The following CREB1 variants were observed in gnomAD, a reference collection of about 807,000 sequenced individuals.
CREB1 encodes cAMP responsive element binding protein 1.
In CREB1, 2 loss-of-function variants were observed where a neutral mutation model predicts 42.0. The ratio of observed to expected loss-of-function variants is 0.05; its 90% confidence interval spans 0.02 to 0.15. CREB1 has a LOEUF of 0.15. Among genes scored for constraint, CREB1 ranks in the 10% least tolerant of loss-of-function variants. The probability of loss-of-function intolerance (pLI) is 1.00; values close to 1 mark genes in which losing one functional copy is unlikely to be tolerated. For missense variants in CREB1, 199 were observed against 388.9 expected (o/e 0.51, Z 4.11); for synonymous variants, 123 against 139.9 (o/e 0.88, Z 0.85).
chr2:207,561,525 A>G (rs185850705), intron 3 of CREB1, among the ~76,000 whole-genome samples: 1 of 152,328 alleles, frequency 6.6e-6, no homozygotes, highest in Admixed American at 6.5e-5. Context: ...GATCCCGGGT[A>G]AACACAGGTT....
At position 207,603,492 on chromosome 2, in the gene CREB1, T is replaced by C. The variant is rs1559098832; in HGVS notation, c.*6434T>C. The C allele has an allele frequency of 4.4e-6, 1 of 225,238 alleles. No individual in the cohort carries two copies. The highest frequency in any genetic ancestry group is 8.8e-6 in the Non-Finnish European group (1 of 113,098). 14.0% of individuals were successfully genotyped at this position (225,238 alleles called of 1,614,324 possible). Reference sequence around the variant, plus strand: ...TTTGTTGGGTTTTTTTTGCTAGTAGTGTGAAGCCATGTTTTATTGGACTTA... The same window carrying C: ...TTTGTTGGGTTTTTTTTGCTAGTAGCGTGAAGCCATGTTTTATTGGACTTA... On this transcript the variant is annotated 3_prime_UTR_variant, in exon 8 of 8. Transcript: ENST00000353267.
chr2:207,532,100 A>G (rs997450768), intron 1 of CREB1, among the ~76,000 whole-genome samples: 1 of 152,150 alleles, frequency 6.6e-6, no homozygotes, highest in Non-Finnish European at 1.5e-5. Flanking sequence ...TGAGGCCTGT[A>G]ATCCCAGCAC....
At chr2:207,532,525 T>C (rs1386945755) in intron 1 of CREB1, among the ~76,000 whole-genome samples, 1 of 151,384 alleles carries the variant, frequency 6.6e-6, no homozygotes, top group Non-Finnish European at 1.5e-5. Context: ...ATACAAAAAT[T>C]AGCTGGGTGT....
At chr2:207,555,529 C>T in intron 1 of CREB1, 99 bp from the exon 2 acceptor site, 1 of 576,956 alleles carries the variant, frequency 1.7e-6, no homozygotes. Flanking sequence ...GGTAACCTAA[C>T]CACCACATAT....
rs538501839 is a variant in CREB1 at position 207,603,435 on chromosome 2, A to C, written c.*6377A>C. The C allele has an allele frequency of 3.6e-5, 8 of 224,752 alleles. No individual in the cohort carries two copies. The highest frequency in any genetic ancestry group is 6.2e-5 in the Non-Finnish European group (7 of 112,924). The allele number at this position is 224,752 out of a possible 1,614,324, so 13.9% of individuals were successfully genotyped here. On this transcript the variant is annotated 3_prime_UTR_variant, in exon 8 of 8. Transcript: ENST00000353267. ...ATAAACATGCTTTTAAAAACTCTGT[A>C]AGTCTCTTTTTTGGGGATGGGATCT...
chr2:207,562,557 T>G (rs773867711), intron 3 of CREB1, among the ~76,000 whole-genome samples: 1 of 152,170 alleles, frequency 6.6e-6, no homozygotes, highest in Non-Finnish European at 1.5e-5. Context: ...GTACTTCTAA[T>G]TTAAGAGTGT....
chr2:207,570,256 C>T lies in CREB1; in HGVS notation c.440C>T (p.Ser147Leu). 3 of 1,613,904 alleles carry T rather than the reference C, an allele frequency of 1.9e-6. No individual in the cohort carries two copies. Among genetic ancestry groups the T allele is most frequent in the Non-Finnish European group, 2.5e-6 (3 of 1,179,836 alleles). ...IEEEKSEEET[S>L]APAITTVTVP... ...GAAGAGAAGTCTGAAGAGGAGACTT[C>T]AGCACCTGCCATCACCACTGTAACG... Residue 147 changes from serine to leucine, a missense_variant, in exon 5 of 8, where the codon TCA (serine) becomes TTA (leucine). Transcript: ENST00000353267.
intron 3 of CREB1, chr2:207,561,085 C>T: frequency 1.2e-6 from 2 of 1,605,038 alleles, no homozygotes; most frequent in Non-Finnish European, 1.7e-6. Context: ...AGGCCATAAC[C>T]CCAGCCTCCC....
At chr2:207,537,683 TAAGAA>T (rs1382711582) in intron 1 of CREB1, among the ~76,000 whole-genome samples, 1 of 152,204 alleles carries the variant, frequency 6.6e-6, no homozygotes, top group Non-Finnish European at 1.5e-5. Flanking sequence ...AAAACTTAAA[TAAGAA>T]TAGACGTTAG....
intron 2 of CREB1, 107 bp from the exon 3 acceptor site, chr2:207,560,119 T>C: frequency 1.0e-6 from 1 of 966,658 alleles, no homozygotes; most frequent in Non-Finnish European, 1.5e-6. Flanking sequence ...AATACATATC[T>C]AGCAAAAAGG....
chr2:207,578,300 A>C (rs1286842954), intron 7 of CREB1, among the ~76,000 whole-genome samples: 2 of 152,240 alleles, frequency 1.3e-5, no homozygotes, highest in East Asian at 3.8e-4. Context: ...AAAAACAATA[A>C]AAATAAGTTA....
chr2:207,591,089 A>G (rs1459865880), intron 7 of CREB1, among the ~76,000 whole-genome samples: 3 of 152,174 alleles, frequency 2.0e-5, no homozygotes, highest in African/African-American at 7.2e-5. Flanking sequence ...TTAAATTATC[A>G]AGTATCATAT....
chr2:207,604,477 T>C lies in CREB1; in HGVS notation c.*7419T>C, dbSNP rs567671087. ...TATCCTTCTTCTTAACTGTGCGTCC[T>C]AATTTCTCCACATCTTTCTTAAGTG... On this transcript the variant is annotated 3_prime_UTR_variant, in exon 8 of 8. Transcript: ENST00000353267. Among the ~76,000 whole-genome samples the C allele has an allele frequency of 2.2e-3, 140 of 62,296 alleles. No individual in the cohort carries two copies. The highest frequency in any genetic ancestry group is 2.9e-3 in the Non-Finnish European group (92 of 32,030). 40.9% of individuals were successfully genotyped at this position (62,296 alleles called of 152,430 possible).
rs2087955024 is a variant in CREB1, at chr2:207,605,618, G to A, written c.*8560G>A. 1.3e-5 allele frequency among the ~76,000 whole-genome samples: 2 copies of A among 152,164 alleles called. No homozygotes were observed. Among genetic ancestry groups the A allele is most frequent in the South Asian group, 2.1e-4 (1 of 4,836 alleles). On this transcript the variant is annotated 3_prime_UTR_variant, in exon 8 of 8. Transcript: ENST00000353267. The stretch of plus-strand genomic sequence containing the variant: ...CTGTGCATATATACACAAATATAAT[G>A]TATGTTCTCTCCTCCTCCCTCTCCC...
chr2:207,581,576 A>C (rs889613937), intron 7 of CREB1: 1 of 265,986 alleles, frequency 3.8e-6, no homozygotes, highest in African/African-American at 2.2e-5. Context: ...TTTTTACTCA[A>C]ACCAGTACAA....
chr2:207,571,751 A>G (rs904969424), intron 5 of CREB1: 24 of 455,354 alleles, frequency 5.3e-5, no homozygotes, highest in Middle Eastern at 3.2e-4. Flanking sequence ...GAGGGATACA[A>G]CATACTCCTG....
chr2:207,569,434 C>T (rs1402880075), intron 4 of CREB1, among the ~76,000 whole-genome samples: 2 of 151,984 alleles, frequency 1.3e-5, no homozygotes, highest in Non-Finnish European at 2.9e-5. Context: ...TTTTTTGTAG[C>T]TTTGCTAACA....
At chr2:207,552,412 T>G (rs2081544239) in intron 1 of CREB1, among the ~76,000 whole-genome samples, 1 of 152,142 alleles carries the variant, frequency 6.6e-6, no homozygotes, top group Non-Finnish European at 1.5e-5. Context: ...AGATTGTGTT[T>G]AATCAAATGG....
intron 1 of CREB1, among the ~76,000 whole-genome samples, chr2:207,534,108 C>T (rs2080766652): frequency 1.3e-5 from 2 of 152,252 alleles, no homozygotes; most frequent in African/African-American, 4.8e-5. Flanking sequence ...CTTAATACCT[C>T]ACTTTCCTTT....
Sources: allele counts gnomAD v4.1 joint callset (sites outside exome capture counted in the v4.1 genomes callset), GRCh38; gene constraint gnomAD v4.1.1; transcripts MANE v1.5; gene names NCBI Gene and HGNC (gene_info 2026-07-23, HGNC 2026-07-21).